Variants in PCNX1 observed in about 807,000 individuals in gnomAD.
PCNX1 encodes pecanex-like protein 1.
In PCNX1, 78 loss-of-function variants were observed where a neutral mutation model predicts 242.2. The ratio of observed to expected loss-of-function variants is 0.32; its 90% CI spans 0.27 to 0.39. The LOEUF is 0.39. PCNX1 is among the 10% of genes least tolerant of loss of function. The pLI is 1.00. For synonymous variants in PCNX1, 1,024 were observed against 1,032.9 expected (o/e 0.99, Z 0.17); for missense variants, 2,581 against 2,856.5 (o/e 0.90, Z 2.20).
intron 1 of PCNX1, among the ~76,000 whole-genome samples, chr14:70,928,732 G>C (rs1397030200): frequency 6.6e-6 from 1 of 152,114 alleles, no homozygotes; most frequent in African/African-American, 2.4e-5. Flanking sequence ...GAATTTTGGG[G>C]TAAAGAATGG....
At chr14:70,980,121 A>G (rs1423645664) in intron 6 of PCNX1, among the ~76,000 whole-genome samples, 2 of 152,272 alleles carry the variant, frequency 1.3e-5, no homozygotes, top group East Asian at 3.8e-4. Context: ...ATGCTATGAT[A>G]GAAAAATATT....
chr14:70,991,894 T>C (rs1177912071), intron 7 of PCNX1, among the ~76,000 whole-genome samples: 1 of 152,158 alleles, frequency 6.6e-6, no homozygotes, highest in African/African-American at 2.4e-5. Context: ...CTAGTAAATA[T>C]ACTAATTTAT....
intron 23 of PCNX1, 48 bp from the exon 24 acceptor site, chr14:71,051,835 C>T: frequency 2.5e-6 from 4 of 1,581,744 alleles, no homozygotes; most frequent in Non-Finnish European, 3.4e-6. Context: ...GTTTGTTTGG[C>T]ATCTGTGCTC....
chr14:71,071,547 C>T lies in PCNX1; in HGVS notation c.4853-1998C>T, dbSNP rs575630655. Among the ~76,000 whole-genome samples the T allele has an allele frequency of 2.6e-4, 40 of 152,164 alleles. No homozygotes were observed. In the South Asian group the frequency reaches 3.9e-3, roughly 15 times the overall value. On this transcript the variant is annotated intron_variant, in intron 26 of 35. Transcript: ENST00000304743. ...GATCTGGTTGTTCAAAAGTGTATAG[C>T]GCCTCCCCCTTAACCCTATTCCTTC... is the stretch of plus-strand genomic sequence containing the variant.
chr14:70,977,609 A>G lies in PCNX1; in HGVS notation c.1272A>G (p.Gly424=), dbSNP rs774110622. The G allele has an allele frequency of 6.2e-7, 1 of 1,614,190 alleles. No homozygotes were observed. Among genetic ancestry groups the G allele is most frequent in the Admixed American group, 1.7e-5 (1 of 60,032 alleles). ...AGCATGAGGAGTCTCCTAAAGCAGG[A>G]ACAAAAAGTGGGAGGAAGAAAGAGT... ...LSEHEESPKA[G]TKSGRKKECC... The change falls in exon 6 of 36, where the codon GGA becomes GGG. Residue 424 remains glycine, a synonymous_variant. Transcript: ENST00000304743.
rs531712779 is a variant in PCNX1, at chr14:70,985,360, G to A, written c.2312-3207G>A. Among the ~76,000 whole-genome samples the A allele has an allele frequency of 1.2e-4, 18 of 152,154 alleles. No homozygotes were observed. In the East Asian group the frequency reaches 3.1e-3, roughly 26 times the overall value. ...CTCCCGAGTAGCCGAGATTACAGGCGCCTGCCACCACACCCGCTAATTTTT... is the reference window on the plus strand; with the variant it reads ...CTCCCGAGTAGCCGAGATTACAGGCACCTGCCACCACACCCGCTAATTTTT... On this transcript the variant is annotated intron_variant, in intron 6 of 35. Transcript: ENST00000304743.
At chr14:70,957,531 C>G (rs183322617) in intron 2 of PCNX1, among the ~76,000 whole-genome samples, 1 of 152,096 alleles carries the variant, frequency 6.6e-6, no homozygotes, top group East Asian at 1.9e-4. Context: ...CACAAAACAT[C>G]ACATATGATT....
chr14:71,015,414 A>G (rs571816003), intron 11 of PCNX1, among the ~76,000 whole-genome samples: 3 of 152,338 alleles, frequency 2.0e-5, no homozygotes, highest in Non-Finnish European at 2.9e-5. Context: ...TGATAATAGC[A>G]TAAAGGCAGA....
At chr14:71,004,971 A>G (rs2059612825) in intron 8 of PCNX1, among the ~76,000 whole-genome samples, 1 of 152,248 alleles carries the variant, frequency 6.6e-6, no homozygotes, top group African/African-American at 2.4e-5. Context: ...CTGCCCTATG[A>G]GTAATACTTA....
chr14:70,935,983 A>G (rs1415557240), intron 1 of PCNX1, among the ~76,000 whole-genome samples: 4 of 152,260 alleles, frequency 2.6e-5, no homozygotes, highest in African/African-American at 7.2e-5. Flanking sequence ...TGAGATGTAT[A>G]TGTGTTTATA....
intron 5 of PCNX1, among the ~76,000 whole-genome samples, chr14:70,974,545 G>A (rs766697330): frequency 1.6e-4 from 25 of 152,094 alleles, no homozygotes; most frequent in Non-Finnish European, 3.2e-4. Context: ...GTTATTTATA[G>A]GACATTGTTA....
chr14:71,113,596 TC>T lies in PCNX1; in HGVS notation c.*3662del, dbSNP rs1272219045. ...GCATTTGGTGGATTGCTGTTGTGAG[TC>T]ATTCATCCAGCACTGGGCCTTTTAA... On this transcript the variant is annotated 3_prime_UTR_variant, in exon 36 of 36. Coordinates refer to ENST00000304743, the MANE Select transcript of PCNX1 (RefSeq NM_014982.3). 6.6e-6 allele frequency: 1 copy of T among 152,628 alleles called. No homozygotes were observed. Among genetic ancestry groups the T allele is most frequent in the African/African-American group, 2.4e-5 (1 of 41,460 alleles). The allele number at this position is 152,628 out of a possible 1,614,324, so 9.5% of individuals were successfully genotyped here.
intron 5 of PCNX1, among the ~76,000 whole-genome samples, chr14:70,975,442 A>G (rs933801667): frequency 2.0e-5 from 3 of 152,174 alleles, no homozygotes; most frequent in African/African-American, 7.2e-5. Flanking sequence ...CTATCCGTGA[A>G]TTTTTAATTA....
intron 1 of PCNX1, among the ~76,000 whole-genome samples, chr14:70,920,429 CA>C (rs2056333940): frequency 6.6e-6 from 1 of 152,120 alleles, no homozygotes; most frequent in Admixed American, 6.6e-5. Context: ...AGGATGTATA[CA>C]ATTTGTCAAA....
chr14:71,053,753 C>T (rs1480886789), intron 24 of PCNX1, among the ~76,000 whole-genome samples: 6 of 152,230 alleles, frequency 3.9e-5, no homozygotes, highest in South Asian at 2.1e-4. Flanking sequence ...ATAACAATGT[C>T]GTATCTATTG....
At chr14:70,978,802 C>T in intron 6 of PCNX1, among the ~76,000 whole-genome samples, 154 bp downstream of exon 6, 1 of 152,084 alleles carries the variant, frequency 6.6e-6, no homozygotes, top group Non-Finnish European at 1.5e-5. Context: ...AGGTGATTAT[C>T]TTAGAAAAGG....
intron 1 of PCNX1, among the ~76,000 whole-genome samples, chr14:70,940,343 A>G (rs1355979600): frequency 6.6e-6 from 1 of 152,126 alleles, no homozygotes; most frequent in Non-Finnish European, 1.5e-5. Context: ...ATCTCTCAGC[A>G]TTTGCTTGTC....
intron 11 of PCNX1, among the ~76,000 whole-genome samples, chr14:71,016,278 G>A (rs1017261715): frequency 6.6e-6 from 1 of 152,126 alleles, no homozygotes. Flanking sequence ...AATAGAAGTG[G>A]AGAAATAGAC....
At position 71,045,113 on chromosome 14, in the gene PCNX1, A is replaced by T; in HGVS notation, c.3868-20A>T. 2 of 1,534,164 alleles carry T rather than the reference A, an allele frequency of 1.3e-6. No homozygotes were observed. The highest frequency in any genetic ancestry group is 1.8e-6 in the Non-Finnish European group (2 of 1,139,106). On this transcript the variant is annotated intron_variant, in intron 19 of 35. Coordinates refer to ENST00000304743, the MANE Select transcript of PCNX1 (RefSeq NM_014982.3). ...TCTCAAAATCACTCCTAATTTTATC[A>T]CTTCTATTATTTTTTTTAGCCTGCC...
Sources: allele counts gnomAD v4.1 joint callset (sites outside exome capture counted in the v4.1 genomes callset), GRCh38; gene constraint gnomAD v4.1.1; transcripts MANE v1.5; gene names NCBI Gene and HGNC (gene_info 2026-07-23, HGNC 2026-07-21).